Variants in KCNH1 observed in about 807,000 individuals in gnomAD.
KCNH1 encodes the protein potassium voltage-gated channel subfamily H member 1.
A neutral mutation model predicts 69.2 loss-of-function variants in KCNH1; 27 were observed. The observed-to-expected ratio is 0.39, with a 90% confidence interval of 0.29 to 0.54. The LOEUF (loss-of-function observed/expected upper bound fraction) is 0.54. KCNH1 is among the 20% of genes least tolerant of loss of function. KCNH1 has a pLI of 0.68. For missense variants in KCNH1, 798 were observed against 1,261.6 expected (o/e 0.63, Z 5.57); for synonymous variants, 456 against 487.7 (o/e 0.93, Z 0.86).
At chr1:210,987,987 C>T (rs1020513488) in intron 6 of KCNH1, among the ~76,000 whole-genome samples, 4 of 152,200 alleles carry the variant, frequency 2.6e-5, no homozygotes, top group Non-Finnish European at 5.9e-5. Context: ...CAATGGCAGG[C>T]GCCCCTCCCC....
intron 7 of KCNH1, among the ~76,000 whole-genome samples, chr1:210,823,280 C>T (rs1238089535): frequency 2.6e-5 from 4 of 152,120 alleles, no homozygotes; most frequent in African/African-American, 9.7e-5. Flanking sequence ...GTCAATAAGT[C>T]AGTGAAATGT....
chr1:210,692,006 G>A (rs1681537710), intron 10 of KCNH1, among the ~76,000 whole-genome samples: 2 of 152,188 alleles, frequency 1.3e-5, no homozygotes, highest in Admixed American at 6.5e-5. Context: ...CTTCATCCAG[G>A]AAAACCCTAG....
chr1:210,994,950 G>C (rs908930058), intron 6 of KCNH1, among the ~76,000 whole-genome samples: 1 of 152,186 alleles, frequency 6.6e-6, no homozygotes, highest in African/African-American at 2.4e-5. Context: ...GAGTTCAAGA[G>C]TTGAGATGTA....
chr1:211,060,651 TAGAA>T (rs1690419445), intron 5 of KCNH1, among the ~76,000 whole-genome samples: 1 of 151,278 alleles, frequency 6.6e-6, no homozygotes. Context: ...ATTGCTGAAA[TAGAA>T]AGGATCATTA....
intron 3 of KCNH1, 41 bp from the exon 4 acceptor site, chr1:211,090,731 T>C: frequency 1.3e-6 from 2 of 1,568,346 alleles, no homozygotes; most frequent in Non-Finnish European, 1.7e-6. Flanking sequence ...ATTTGCATTC[T>C]CATTTGAGGG....
intron 7 of KCNH1, among the ~76,000 whole-genome samples, chr1:210,877,702 T>C (rs916708272): frequency 6.6e-6 from 1 of 152,164 alleles, no homozygotes; most frequent in Admixed American, 6.6e-5. Flanking sequence ...AAGATATCTA[T>C]AGCCTGTGTA....
chr1:210,775,375 C>T lies in KCNH1; in HGVS notation c.2085G>A (p.Leu695=). The change falls in exon 10 of 11, where the codon CTG becomes CTA. Residue 695 remains leucine, a synonymous_variant. Transcript: ENST00000271751. The part of the protein sequence containing the change: ...TAFSHSFSRN[L]ILTYNLRKRI... ...TCTTCCTCAAGTTGTACGTCAGAATCAGGTTCCGGGAGAAGGAATGGGAGA... is the reference window on the plus strand; with the variant it reads ...TCTTCCTCAAGTTGTACGTCAGAATTAGGTTCCGGGAGAAGGAATGGGAGA... 6.2e-7 allele frequency: 1 copy of T among 1,614,058 alleles called. No individual in the cohort carries two copies. The highest frequency in any genetic ancestry group is 8.5e-7 in the Non-Finnish European group (1 of 1,179,972).
intron 5 of KCNH1, among the ~76,000 whole-genome samples, chr1:211,041,865 G>A (rs552266222): frequency 5.9e-5 from 9 of 152,086 alleles, no homozygotes; most frequent in East Asian, 5.8e-4. Context: ...AGTGATTCTC[G>A]TGCCTGAGCC....
At chr1:210,886,503 C>A (rs1574317747) in intron 7 of KCNH1, among the ~76,000 whole-genome samples, 1 of 152,044 alleles carries the variant, frequency 6.6e-6, no homozygotes. Context: ...CAAAGGATCA[C>A]AGCTCCTCAC....
chr1:210,795,090 A>T (rs1684281477), intron 9 of KCNH1, among the ~76,000 whole-genome samples: 1 of 151,994 alleles, frequency 6.6e-6, no homozygotes, highest in Non-Finnish European at 1.5e-5. Context: ...AAACAGTTTC[A>T]GCCTCCATTC....
intron 7 of KCNH1, among the ~76,000 whole-genome samples, chr1:210,894,258 C>T (rs1686812738): frequency 6.6e-6 from 1 of 152,066 alleles, no homozygotes; most frequent in African/African-American, 2.4e-5. Flanking sequence ...TTGAGTCTTA[C>T]CTTTAAGATT....
At chr1:210,917,443 A>C (rs1269211324) in intron 7 of KCNH1, among the ~76,000 whole-genome samples, 3 of 152,134 alleles carry the variant, frequency 2.0e-5, no homozygotes, top group African/African-American at 7.2e-5. Context: ...TATATCCAAG[A>C]AATTGTGCTT....
chr1:211,096,815 C>A (rs543584667), intron 3 of KCNH1, among the ~76,000 whole-genome samples: 1 of 152,218 alleles, frequency 6.6e-6, no homozygotes, highest in South Asian at 2.1e-4. Context: ...GCCAATAAAT[C>A]TTTGAAATTA....
intron 6 of KCNH1, among the ~76,000 whole-genome samples, chr1:210,942,195 T>G (rs554126482): frequency 1.3e-5 from 2 of 152,124 alleles, no homozygotes; most frequent in South Asian, 2.1e-4. Context: ...ACCAAAACTT[T>G]TGAGAATAAG....
intron 7 of KCNH1, among the ~76,000 whole-genome samples, chr1:210,847,398 C>T (rs1326626585): frequency 6.6e-6 from 1 of 152,070 alleles, no homozygotes; most frequent in Non-Finnish European, 1.5e-5. Context: ...TACTATGCAG[C>T]CATAAAAAAT....
At position 211,036,374 on chromosome 1, in the gene KCNH1, T is replaced by C. The variant is rs546547978; in HGVS notation, c.559-17118A>G. Among the ~76,000 whole-genome samples, 5 of 152,272 alleles carry C rather than the reference T, an allele frequency of 3.3e-5. No homozygotes were observed. The East Asian group carries it at 9.6e-4, about 29-fold the overall frequency. ...GGACTCAGATAGGACAAATGTAACT[T>C]TCTTAAGTTTTAAGACTGGGACGGT... is the stretch of plus-strand genomic sequence containing the variant. On this transcript the variant is annotated intron_variant, in intron 5 of 10. Coordinates refer to ENST00000271751, the MANE Select transcript of KCNH1 (RefSeq NM_172362.3).
Position 210,856,899 on chromosome 1 carries a change from A to ATATG in KCNH1, c.1463-52734_1463-52733insCATA, listed in dbSNP as rs57245090. 5.2e-4 allele frequency among the ~76,000 whole-genome samples: 63 copies of ATATG among 121,804 alleles called. 4 individuals are homozygous for ATATG. In the South Asian group the frequency reaches 0.018, roughly 35 times the overall value. The allele number at this position is 121,804 out of a possible 152,430, so 79.9% of individuals were successfully genotyped here. Reference sequence around the variant, plus strand: ...CCACTATATATATATATATATATATAAAATACTCATGCCTGGTGTTTACTC... The same window carrying ATATG: ...CCACTATATATATATATATATATATATATGAAATACTCATGCCTGGTGTTTACTC... On this transcript the variant is annotated intron_variant, in intron 7 of 10. Coordinates refer to ENST00000271751, the MANE Select transcript of KCNH1 (RefSeq NM_172362.3).
chr1:211,007,584 T>C (rs908672501), intron 6 of KCNH1, among the ~76,000 whole-genome samples: 1 of 152,164 alleles, frequency 6.6e-6, no homozygotes, highest in Non-Finnish European at 1.5e-5. Context: ...TGTTTTTTGC[T>C]TTTTTCTGGA....
chr1:210,739,039 C>A (rs1224196433), intron 10 of KCNH1, among the ~76,000 whole-genome samples: 6 of 152,306 alleles, frequency 3.9e-5, no homozygotes, highest in Non-Finnish European at 7.4e-5. Context: ...CTATACTATC[C>A]TGTGCTCAAT....
Sources: allele counts gnomAD v4.1 joint callset (sites outside exome capture counted in the v4.1 genomes callset), GRCh38; gene constraint gnomAD v4.1.1; transcripts MANE v1.5; gene names NCBI Gene and HGNC (gene_info 2026-07-23, HGNC 2026-07-21).